Variants in LPP observed in about 807,000 individuals in gnomAD.
The protein encoded by LPP is lipoma-preferred partner.
A neutral mutation model predicts 60.4 loss-of-function variants in LPP; 38 were observed. The ratio of observed to expected loss-of-function variants is 0.63; its 90% CI spans 0.49 to 0.83. LPP has a LOEUF of 0.83. Ranked by LOEUF, LPP falls within the 40% of genes least tolerant of loss-of-function variation. The probability of loss-of-function intolerance (pLI) is 0.00; values close to 1 mark genes in which losing one functional copy is unlikely to be tolerated. For synonymous variants in LPP, 328 were observed against 290.8 expected (o/e 1.13, Z -1.30); for missense variants, 902 against 783.6 (o/e 1.15, Z -1.80).
At chr3:188,361,113 G>A (rs1195109890) in intron 3 of LPP, among the ~76,000 whole-genome samples, 4 of 152,138 alleles carry the variant, frequency 2.6e-5, no homozygotes, top group African/African-American at 9.7e-5. Context: ...TGGGATTTCA[G>A]GAAAGCTCTT....
At chr3:188,700,405 T>C (rs1357846398) in intron 7 of LPP, among the ~76,000 whole-genome samples, 1 of 152,152 alleles carries the variant, frequency 6.6e-6, no homozygotes, top group Non-Finnish European at 1.5e-5. Flanking sequence ...ATTTTGTAAA[T>C]TGGATCCTTA....
chr3:188,419,106 T>C (rs988616945), intron 4 of LPP, among the ~76,000 whole-genome samples: 1 of 152,076 alleles, frequency 6.6e-6, no homozygotes, highest in South Asian at 2.1e-4. Context: ...GAGGTGAGAG[T>C]AAAGTGTCAT....
intron 9 of LPP, among the ~76,000 whole-genome samples, chr3:188,783,324 A>G (rs1036585597): frequency 6.6e-6 from 1 of 152,190 alleles, no homozygotes; most frequent in Non-Finnish European, 1.5e-5. Flanking sequence ...TCAGCGACAG[A>G]CTGGATAAAG....
At chr3:188,173,748 C>G (rs544635140) in intron 1 of LPP, among the ~76,000 whole-genome samples, 1 of 152,210 alleles carries the variant, frequency 6.6e-6, no homozygotes, top group East Asian at 1.9e-4. Context: ...TCTCCTTGTT[C>G]TTAGGGGAAG....
chr3:188,552,704 T>C (rs75934124), intron 6 of LPP, among the ~76,000 whole-genome samples: 3,396 of 152,268 alleles, frequency 0.022, 45 homozygotes, highest in Middle Eastern at 0.041. Context: ...CACTCTTTCA[T>C]AGTCATGTCT....
intron 1 of LPP, among the ~76,000 whole-genome samples, chr3:188,187,922 A>G (rs1389334230): frequency 6.6e-6 from 1 of 152,058 alleles, no homozygotes; most frequent in Non-Finnish European, 1.5e-5. Flanking sequence ...TTCTCTACTG[A>G]ATATTCATAG....
intron 9 of LPP, among the ~76,000 whole-genome samples, chr3:188,790,348 G>A (rs1180608166): frequency 2.0e-5 from 3 of 151,988 alleles, no homozygotes; most frequent in African/African-American, 7.3e-5. Context: ...TGTGGTGTGT[G>A]CGTGTGTGTG....
intron 8 of LPP, among the ~76,000 whole-genome samples, chr3:188,742,362 T>A (rs1440111193): frequency 3.3e-5 from 5 of 152,104 alleles, no homozygotes; most frequent in Non-Finnish European, 7.4e-5. Flanking sequence ...GCAACTATAT[T>A]TATAATGGCC....
intron 5 of LPP, among the ~76,000 whole-genome samples, chr3:188,519,081 G>A (rs1818183896): frequency 6.6e-6 from 1 of 152,284 alleles, no homozygotes. Context: ...ACCACTGGGT[G>A]GGTGAAAGGT....
chr3:188,699,471 A>G lies in LPP; in HGVS notation c.1114-8796A>G, dbSNP rs142192645. Among the ~76,000 whole-genome samples, 213 of 152,348 alleles carry G rather than the reference A, an allele frequency of 1.4e-3. 1 individual carries two copies. Among genetic ancestry groups the G allele is most frequent in the Admixed American group, 2.5e-3 (38 of 15,298 alleles). On this transcript the variant is annotated intron_variant, in intron 7 of 11. Transcript: ENST00000617246. ...AAAGGCATTTTATGGGCATCGATGC[A>G]TGGCATGAGAAAGGGAATATGAGGA... is the stretch of plus-strand genomic sequence containing the variant.
intron 7 of LPP, among the ~76,000 whole-genome samples, chr3:188,615,542 T>C (rs1844677178): frequency 1.3e-5 from 2 of 152,194 alleles, no homozygotes; most frequent in African/African-American, 4.8e-5. Context: ...TAGAAACATA[T>C]GTATGTAGTA....
intron 9 of LPP, among the ~76,000 whole-genome samples, chr3:188,865,504 T>C (rs1018451314): frequency 7.2e-5 from 11 of 152,224 alleles, no homozygotes; most frequent in Admixed American, 3.3e-4. Flanking sequence ...TCTGACAGGC[T>C]ATTCTGTAAA....
intron 9 of LPP, among the ~76,000 whole-genome samples, chr3:188,858,257 C>T (rs559887964): frequency 6.6e-6 from 1 of 152,204 alleles, no homozygotes; most frequent in African/African-American, 2.4e-5. Context: ...TCTCTCTCAC[C>T]ATAGTCTTAG....
intron 2 of LPP, among the ~76,000 whole-genome samples, chr3:188,242,547 T>A (rs1725354184): frequency 6.6e-6 from 1 of 152,118 alleles, no homozygotes; most frequent in Admixed American, 6.5e-5. Flanking sequence ...GTACTGGAGA[T>A]ACAAAACTGT....
At chr3:188,456,593 T>G (rs1341615042) in intron 4 of LPP, among the ~76,000 whole-genome samples, 2 of 152,174 alleles carry the variant, frequency 1.3e-5, no homozygotes, top group Non-Finnish European at 2.9e-5. Context: ...TTGGTGTGTG[T>G]AGGTATGCCT....
intron 5 of LPP, 23 bp downstream of exon 5, chr3:188,484,727 T>G (rs1202926813): frequency 6.5e-7 from 1 of 1,548,106 alleles, no homozygotes. Context: ...GTTAAAGTCA[T>G]GTTAGGTAAG....
In LPP at chr3:188,569,442, T is replaced by C. The variant is rs554271833; in HGVS notation, c.430-39719T>C. 5.6e-3 allele frequency among the ~76,000 whole-genome samples: 847 copies of C among 152,140 alleles called. 10 individuals carry two copies. The highest frequency in any genetic ancestry group is 0.02 in the African/African-American group (819 of 41,532). On this transcript the variant is annotated intron_variant, in intron 6 of 11. Transcript: ENST00000617246. Reference sequence around the variant, plus strand: ...TGTATTGTGTAGGATAGTGCTTATCTACAAAGAATTTTATGTAGAATTCCC... The same window carrying C: ...TGTATTGTGTAGGATAGTGCTTATCCACAAAGAATTTTATGTAGAATTCCC...
At chr3:188,208,466 T>C (rs1733880514) in intron 1 of LPP, 1 of 152,252 alleles carries the variant, frequency 6.6e-6, no homozygotes, top group Non-Finnish European at 1.5e-5. Flanking sequence ...TGAAATACCT[T>C]GTGCCCTTGA....
chr3:188,194,100 C>T (rs1422921348), intron 1 of LPP, among the ~76,000 whole-genome samples: 3 of 152,196 alleles, frequency 2.0e-5, no homozygotes, highest in African/African-American at 4.8e-5. Context: ...GTCAGGTGAG[C>T]TCCCTATTCT....
Sources: allele counts gnomAD v4.1 joint callset (sites outside exome capture counted in the v4.1 genomes callset), GRCh38; gene constraint gnomAD v4.1.1; transcripts MANE v1.5; gene names NCBI Gene and HGNC (gene_info 2026-07-23, HGNC 2026-07-21).